VKORC1L1: variants seen among roughly 807,000 people sequenced by gnomAD.
VKORC1L1 encodes vitamin K epoxide reductase complex subunit 1-like protein 1.
In VKORC1L1, 2 loss-of-function variants were observed where a neutral mutation model predicts 18.9. The ratio of observed to expected loss-of-function variants is 0.11; its 90% CI spans 0.04 to 0.33. The LOEUF (loss-of-function observed/expected upper bound fraction) is 0.33, where lower values mean the gene tolerates loss of function less well. Among genes scored for constraint, VKORC1L1 ranks in the 10% least tolerant of loss-of-function variants. The probability of loss-of-function intolerance (pLI) is 1.00; values close to 1 mark genes in which losing one functional copy is unlikely to be tolerated. For missense variants in VKORC1L1, 123 were observed against 224.1 expected, an observed-to-expected ratio of 0.55 and a Z score of 2.88; for synonymous variants, 96 against 100.0, an observed-to-expected ratio of 0.96 and a Z score of 0.24.
chr7:65,896,321 TC>T (rs1341062138), intron 1 of VKORC1L1, among the ~76,000 whole-genome samples: 2 of 152,152 alleles, frequency 1.3e-5, no homozygotes, highest in Admixed American at 6.6e-5. Flanking sequence ...TTTGGTTGTT[TC>T]TATATTTTGG....
Position 65,891,936 on chromosome 7 carries a change from C to T in VKORC1L1, c.194+18371C>T, listed in dbSNP as rs540510667. 7.2e-5 allele frequency among the ~76,000 whole-genome samples: 11 copies of T among 152,322 alleles called. No homozygotes were observed. In the East Asian group the frequency reaches 2.1e-3, roughly 29 times the overall value. ...TTAACTGTATTTTTGTGCCCAGTCA[C>T]CAATCCCTCTTTATTTCCCACTTCC... On this transcript the variant is annotated intron_variant, in intron 1 of 2. Transcript: ENST00000360768.
chr7:65,951,467 G>C (rs1377996923), intron 2 of VKORC1L1, among the ~76,000 whole-genome samples: 1 of 151,978 alleles, frequency 6.6e-6, no homozygotes, highest in Non-Finnish European at 1.5e-5. Context: ...CCAGCTACTT[G>C]GGAGGCTGAG....
intron 1 of VKORC1L1, among the ~76,000 whole-genome samples, chr7:65,911,412 G>C (rs1474040023): frequency 6.6e-6 from 1 of 152,214 alleles, no homozygotes; most frequent in East Asian, 1.9e-4. Context: ...AATAGGCATA[G>C]CATTTCCCAC....
Position 65,873,251 on chromosome 7 carries a change from C to CGGTGGT in VKORC1L1, c.-119_-118insTGGTGG. The CGGTGGT allele has an allele frequency of 1.0e-6, 1 of 969,500 alleles. No homozygotes were observed. Among genetic ancestry groups the CGGTGGT allele is most frequent in the East Asian group, 1.1e-4 (1 of 8,890 alleles). 60.1% of individuals were successfully genotyped at this position (969,500 alleles called of 1,614,324 possible). A position where few individuals can be genotyped will look rare whatever the true frequency, so the allele number is the denominator to read the frequency against. Reference sequence around the variant, plus strand: ...AGCCAATGGGGCGCGGCGGCGGCGGCGGCGGTGGTGGCGGCGGCGGCGGAG... The same window carrying CGGTGGT: ...AGCCAATGGGGCGCGGCGGCGGCGGCGGTGGTGGCGGTGGTGGCGGCGGCGGCGGAG... On this transcript the variant is annotated 5_prime_UTR_variant, in exon 1 of 3. Transcript: ENST00000360768.
At chr7:65,923,998 G>A (rs758794346) in intron 1 of VKORC1L1, among the ~76,000 whole-genome samples, 15 of 152,104 alleles carry the variant, frequency 9.9e-5, no homozygotes, top group Non-Finnish European at 1.3e-4. Context: ...AGATATGGGT[G>A]GGTAGTTGGA....
intron 1 of VKORC1L1, among the ~76,000 whole-genome samples, chr7:65,941,413 C>T: frequency 6.6e-6 from 1 of 152,040 alleles, no homozygotes; most frequent in African/African-American, 2.4e-5. Context: ...CCATGCCCTG[C>T]CAAAGTTCTA....
intron 2 of VKORC1L1, among the ~76,000 whole-genome samples, chr7:65,950,131 G>T (rs1339559699): frequency 6.6e-6 from 1 of 151,198 alleles, no homozygotes; most frequent in Non-Finnish European, 1.5e-5. Flanking sequence ...TGGAAAAATT[G>T]CTAATAGTTA....
rs1220952744 is a variant in VKORC1L1 at position 65,940,110 on chromosome 7, G to A, written c.195-8561G>A. On this transcript the variant is annotated intron_variant, in intron 1 of 2. Transcript: ENST00000360768. ...TGTGATCCTTGTTCACTGTGGCCTC[G>A]AACTGCTGGACTCAAGCAGTCAACC... is the stretch of plus-strand genomic sequence containing the variant. 5.9e-5 allele frequency among the ~76,000 whole-genome samples: 9 copies of A among 151,822 alleles called. No individual in the cohort carries two copies. The East Asian group carries it at 7.8e-4, about 13-fold the overall frequency.
upstream of VKORC1L1, among the ~76,000 whole-genome samples, chr7:65,869,474 A>G (rs1234611480): frequency 6.6e-6 from 1 of 152,020 alleles, no homozygotes; most frequent in Non-Finnish European, 1.5e-5. Flanking sequence ...AAGGATCATA[A>G]GAGCCATTCC....
chr7:65,941,941 G>A (rs1268979852), intron 1 of VKORC1L1, among the ~76,000 whole-genome samples: 1 of 152,076 alleles, frequency 6.6e-6, no homozygotes, highest in African/African-American at 2.4e-5. Flanking sequence ...AATTACAGGC[G>A]TGAGCCACTG....
chr7:65,888,592 G>A (rs113482822), intron 1 of VKORC1L1, among the ~76,000 whole-genome samples: 4 of 151,844 alleles, frequency 2.6e-5, no homozygotes, highest in African/African-American at 9.7e-5. Context: ...CTCTTCTACC[G>A]AAGCTGCAGG....
At chr7:65,906,462 A>G in intron 1 of VKORC1L1, among the ~76,000 whole-genome samples, 1 of 152,164 alleles carries the variant, frequency 6.6e-6, no homozygotes, top group East Asian at 1.9e-4. Flanking sequence ...TGTGGGAGTA[A>G]TCTCTAGACA....
intron 1 of VKORC1L1, among the ~76,000 whole-genome samples, chr7:65,897,948 G>A (rs1318782917): frequency 2.0e-5 from 3 of 151,732 alleles, no homozygotes; most frequent in Non-Finnish European, 2.9e-5. Context: ...TGTATATGTG[G>A]GGCTTAAAAA....
intron 2 of VKORC1L1, among the ~76,000 whole-genome samples, chr7:65,951,862 C>T (rs1790219312): frequency 6.6e-6 from 1 of 152,134 alleles, no homozygotes; most frequent in African/African-American, 2.4e-5. Flanking sequence ...TAAATGTCTT[C>T]ATTCTTTTCT....
At chr7:65,895,809 GA>G (rs1385985631) in intron 1 of VKORC1L1, among the ~76,000 whole-genome samples, 1 of 150,286 alleles carries the variant, frequency 6.7e-6, no homozygotes, top group Non-Finnish European at 1.5e-5. Context: ...TATATGTGAT[GA>G]AAATAGTGAA....
the VKORC1L1 span, among the ~76,000 whole-genome samples, chr7:65,866,856 C>T: frequency 5.9e-5 from 9 of 151,360 alleles, no homozygotes; most frequent in African/African-American, 1.7e-4. Context: ...GAGACCCTGT[C>T]GAGGAGGAAG....
intron 1 of VKORC1L1, among the ~76,000 whole-genome samples, chr7:65,894,557 T>C (rs35689884): frequency 0.11 from 16,854 of 151,776 alleles, 1,090 homozygotes; most frequent in Middle Eastern, 0.2. Flanking sequence ...TGAAACCCCA[T>C]CTCTACTAAA....
chr7:65,892,355 G>C (rs1003995383), intron 1 of VKORC1L1, among the ~76,000 whole-genome samples: 1 of 152,126 alleles, frequency 6.6e-6, no homozygotes, highest in South Asian at 2.1e-4. Context: ...TTTTTTTGAG[G>C]AACGTCCACA....
chr7:65,909,337 A>G (rs1281373065), intron 1 of VKORC1L1, among the ~76,000 whole-genome samples: 1 of 151,870 alleles, frequency 6.6e-6, no homozygotes, highest in Admixed American at 6.6e-5. Flanking sequence ...TTTTGATTTA[A>G]TAATACTCTT....
Sources: allele counts gnomAD v4.1 joint callset (sites outside exome capture counted in the v4.1 genomes callset), GRCh38; gene constraint gnomAD v4.1.1; transcripts MANE v1.5; gene names NCBI Gene and HGNC (gene_info 2026-07-23, HGNC 2026-07-21).